The following ERBB4 variants were observed in gnomAD, a reference collection of about 807,000 sequenced individuals.
ERBB4 encodes erb-b2 receptor tyrosine kinase 4, also known as receptor tyrosine-protein kinase erbB-4.
Under a neutral mutation model 158.0 loss-of-function variants are expected in ERBB4, and 42 were observed. That is an observed-to-expected ratio of 0.27 (90% confidence interval 0.21 to 0.34). The LOEUF (loss-of-function observed/expected upper bound fraction) is 0.34. Among genes scored for constraint, ERBB4 ranks in the 10% least tolerant of loss-of-function variants. The probability of loss-of-function intolerance (pLI) is 1.00; values close to 1 mark genes in which losing one functional copy is unlikely to be tolerated. For missense variants in ERBB4, 1,333 were observed against 1,624.1 expected (o/e 0.82, Z 3.08); for synonymous variants, 583 against 558.7 (o/e 1.04, Z -0.61).
rs1185945602 is a variant in ERBB4, at chr2:212,179,058, G to C, written c.83-54155C>G. ...TTAGCAGTGTCTCTTAAATTACATT[G>C]AAATGAATGAAACTTTTACTAAACA... On this transcript the variant is annotated intron_variant, in intron 1 of 27. Coordinates refer to ENST00000342788, the MANE Select transcript of ERBB4 (RefSeq NM_005235.3). 2.0e-5 allele frequency among the ~76,000 whole-genome samples: 3 copies of C among 151,490 alleles called. No homozygotes were observed. The East Asian group carries it at 5.8e-4, about 29-fold the overall frequency.
In ERBB4 at chr2:211,376,609, G is replaced by A. The variant is rs1041358672; in HGVS notation, c.*7006C>T. On this transcript the variant is annotated 3_prime_UTR_variant, in exon 28 of 28. Coordinates refer to ENST00000342788, the MANE Select transcript of ERBB4 (RefSeq NM_005235.3). Reference sequence around the variant, plus strand: ...AGAAAATAAGGAAGTGAGTACAAATGTATACACCTTAAGCCTCTGCCTTTT... The same window carrying A: ...AGAAAATAAGGAAGTGAGTACAAATATATACACCTTAAGCCTCTGCCTTTT... The A allele has an allele frequency of 1.3e-5, 3 of 232,714 alleles. No individual in the cohort carries two copies. Among genetic ancestry groups the A allele is most frequent in the African/African-American group, 6.6e-5 (3 of 45,264 alleles). The allele number at this position is 232,714 out of a possible 1,614,324, so 14.4% of individuals were successfully genotyped here. A position where few individuals can be genotyped will look rare whatever the true frequency, so the allele number is the denominator to read the frequency against.
intron 20 of ERBB4, among the ~76,000 whole-genome samples, chr2:211,478,607 T>C (rs1242038504): frequency 6.6e-6 from 1 of 152,164 alleles, no homozygotes; most frequent in African/African-American, 2.4e-5. Flanking sequence ...ACACTTCTTG[T>C]AACTGTCCAC....
intron 1 of ERBB4, among the ~76,000 whole-genome samples, chr2:212,471,908 C>G (rs1436374695): frequency 6.6e-6 from 1 of 151,762 alleles, no homozygotes; most frequent in Non-Finnish European, 1.5e-5. Flanking sequence ...GTTTTAACAC[C>G]TGTTGTTTGT....
intron 19 of ERBB4, among the ~76,000 whole-genome samples, chr2:211,574,049 A>G (rs1574782600): frequency 6.6e-6 from 1 of 152,254 alleles, no homozygotes; most frequent in African/African-American, 2.4e-5. Context: ...CCTAGTAGAT[A>G]CTTAAAATGT....
At chr2:212,060,429 A>G (rs547729220) in intron 2 of ERBB4, among the ~76,000 whole-genome samples, 1 of 151,520 alleles carries the variant, frequency 6.6e-6, no homozygotes, top group East Asian at 2.0e-4. Context: ...AGAACTAGAA[A>G]TACCATTTGA....
intron 3 of ERBB4, among the ~76,000 whole-genome samples, chr2:211,928,894 T>C (rs2125093834): frequency 6.6e-6 from 1 of 152,276 alleles, no homozygotes; most frequent in African/African-American, 2.4e-5. Context: ...TAGGTGTAAG[T>C]TTGGGGTGAC....
chr2:212,412,742 C>T (rs2106491649), intron 1 of ERBB4, among the ~76,000 whole-genome samples: 1 of 152,218 alleles, frequency 6.6e-6, no homozygotes, highest in Admixed American at 6.5e-5. Flanking sequence ...CTGAGACTTC[C>T]ATTCTAAATT....
Position 212,512,361 on chromosome 2 carries a change from CA to C in ERBB4, c.82+26087del, listed in dbSNP as rs71397170. ...ATACACACAAATATATATATATACA[CA>C]AAAAAAAACAAATATGATACAGGTA... On this transcript the variant is annotated intron_variant, in intron 1 of 27. Transcript: ENST00000342788. Among the ~76,000 whole-genome samples, 200 of 147,324 alleles carry C rather than the reference CA, an allele frequency of 1.4e-3. 1 individual carries two copies. The East Asian group carries it at 0.017, about 12-fold the overall frequency.
Position 211,980,039 on chromosome 2 carries a change from C to T in ERBB4, c.235-32423G>A, listed in dbSNP as rs910613455. On this transcript the variant is annotated intron_variant, in intron 2 of 27. Coordinates refer to ENST00000342788, the MANE Select transcript of ERBB4 (RefSeq NM_005235.3). ...GAGATTCCTCAACGTGACATTTAAT[C>T]GCAACCTTATTTTGAAGACACTAAG... Among the ~76,000 whole-genome samples, 9 of 152,208 alleles carry T rather than the reference C, an allele frequency of 5.9e-5. No homozygotes were observed. In the South Asian group the frequency reaches 8.3e-4, roughly 14 times the overall value.
chr2:212,501,440 C>G (rs566313083), intron 1 of ERBB4, among the ~76,000 whole-genome samples: 1 of 152,116 alleles, frequency 6.6e-6, no homozygotes, highest in Non-Finnish European at 1.5e-5. Flanking sequence ...TATTAAGACA[C>G]TGGATAAGTC....
intron 22 of ERBB4, among the ~76,000 whole-genome samples, chr2:211,425,213 A>C (rs998774499): frequency 1.3e-5 from 2 of 152,166 alleles, no homozygotes; most frequent in African/African-American, 4.8e-5. Flanking sequence ...GTGTATATAC[A>C]GTCATCTTTC....
intron 3 of ERBB4, among the ~76,000 whole-genome samples, chr2:211,809,852 C>T (rs1042226794): frequency 1.2e-4 from 18 of 152,186 alleles, no homozygotes; most frequent in Admixed American, 1.2e-3. Context: ...CCTCTACACA[C>T]TGCTTTAAAA....
intron 3 of ERBB4, among the ~76,000 whole-genome samples, chr2:211,815,438 G>T (rs896798294): frequency 3.3e-5 from 5 of 152,128 alleles, no homozygotes; most frequent in Non-Finnish European, 7.4e-5. Context: ...TCCCAAAAGA[G>T]TAAGGTAAAA....
At chr2:211,783,533 A>G (rs1479693612) in intron 4 of ERBB4, among the ~76,000 whole-genome samples, 2 of 152,234 alleles carry the variant, frequency 1.3e-5, no homozygotes, top group African/African-American at 4.8e-5. Context: ...TTATTTTGAG[A>G]TACGTCCCAT....
chr2:212,074,144 G>T (rs1252154474), intron 2 of ERBB4, among the ~76,000 whole-genome samples: 2 of 151,948 alleles, frequency 1.3e-5, no homozygotes, highest in African/African-American at 4.8e-5. Context: ...TGGCTCCTTG[G>T]TTTGTCTATT....
At chr2:212,480,212 T>C (rs1004506139) in intron 1 of ERBB4, among the ~76,000 whole-genome samples, 1 of 152,150 alleles carries the variant, frequency 6.6e-6, no homozygotes, top group African/African-American at 2.4e-5. Flanking sequence ...TCATTGAACA[T>C]CTATGTAAAA....
intron 1 of ERBB4, among the ~76,000 whole-genome samples, chr2:212,452,831 T>G (rs564376186): frequency 6.6e-6 from 1 of 152,278 alleles, no homozygotes; most frequent in Admixed American, 6.5e-5. Flanking sequence ...AAGTTAAAAT[T>G]TGTTTTTAAA....
At chr2:211,726,833 A>C (rs2074284411) in intron 5 of ERBB4, among the ~76,000 whole-genome samples, 1 of 152,184 alleles carries the variant, frequency 6.6e-6, no homozygotes, top group Admixed American at 6.5e-5. Context: ...CTAAAGGATT[A>C]AACCTTAAGC....
intron 20 of ERBB4, among the ~76,000 whole-genome samples, chr2:211,552,650 G>A (rs2067130926): frequency 6.6e-6 from 1 of 152,078 alleles, no homozygotes; most frequent in Non-Finnish European, 1.5e-5. Flanking sequence ...AAATAGGCCA[G>A]CAAAGCTCTG....
Sources: allele counts gnomAD v4.1 joint callset (sites outside exome capture counted in the v4.1 genomes callset), GRCh38; gene constraint gnomAD v4.1.1; transcripts MANE v1.5; gene names NCBI Gene and HGNC (gene_info 2026-07-23, HGNC 2026-07-21).